The following TENM4 variants were observed in gnomAD, a reference collection of about 807,000 sequenced individuals.
The protein encoded by TENM4 is teneurin-4.
Under a neutral mutation model 243.3 loss-of-function variants are expected in TENM4, and 82 were observed. The ratio of observed to expected loss-of-function variants is 0.34; its 90% CI spans 0.28 to 0.40. The LOEUF is 0.40. Ranked by LOEUF, TENM4 falls within the 10% of genes least tolerant of loss-of-function variation. TENM4 has a pLI of 1.00. For synonymous variants in TENM4, 1,412 were observed against 1,456.3 expected, an observed-to-expected ratio of 0.97 and a Z score of 0.69; for missense variants, 3,138 against 3,673.3, an observed-to-expected ratio of 0.85 and a Z score of 3.77.
chr11:79,384,819 G>A (rs1452154828), intron 1 of TENM4, among the ~76,000 whole-genome samples: 3 of 151,788 alleles, frequency 2.0e-5, no homozygotes, highest in Admixed American at 6.6e-5. Flanking sequence ...CAAGCTACTC[G>A]GGAGGCTAAG....
chr11:79,182,043 C>A (rs1336087967), intron 3 of TENM4, among the ~76,000 whole-genome samples: 1 of 151,628 alleles, frequency 6.6e-6, no homozygotes, highest in Non-Finnish European at 1.5e-5. Context: ...AGACTCAATG[C>A]AATCCCAATC....
intron 4 of TENM4, among the ~76,000 whole-genome samples, chr11:79,116,768 AT>A (rs1861631368): frequency 1.3e-5 from 2 of 152,182 alleles, no homozygotes; most frequent in African/African-American, 4.8e-5. Context: ...TCAGATTCCA[AT>A]TCTGGATCAA....
chr11:78,674,732 A>T (rs943341294), intron 30 of TENM4, among the ~76,000 whole-genome samples: 2 of 152,122 alleles, frequency 1.3e-5, no homozygotes, highest in African/African-American at 4.8e-5. Flanking sequence ...AGCTAGTGCA[A>T]GGCTGTTTCC....
chr11:79,298,708 C>A (rs1590861590), intron 1 of TENM4, among the ~76,000 whole-genome samples: 1 of 152,076 alleles, frequency 6.6e-6, no homozygotes, highest in Non-Finnish European at 1.5e-5. Flanking sequence ...ATCCTTATAA[C>A]CACCCTGGGA....
rs765065940 is a variant in TENM4, at chr11:78,658,589, C to T, written c.7779G>A (p.Arg2593=). ...GGGCATGGTTCAAGATGGCAGCAACCCTTCGCCCATCCTCATTGGCCACAC... is the reference window on the plus strand; with the variant it reads ...GGGCATGGTTCAAGATGGCAGCAACTCTTCGCCCATCCTCATTGGCCACAC... ...IISVANEDGR[R]VAAILNHAHY... Residue 2593 remains arginine (R), a synonymous_variant, in exon 34 of 34, where the codon AGG becomes AGA. Transcript: ENST00000278550. 1.1e-5 allele frequency: 17 copies of T among 1,613,852 alleles called. No homozygotes were observed. Among genetic ancestry groups the T allele is most frequent in the Non-Finnish European group, 1.4e-5 (17 of 1,179,898 alleles).
At chr11:79,352,012 A>T (rs560573689) in intron 1 of TENM4, among the ~76,000 whole-genome samples, 10 of 152,350 alleles carry the variant, frequency 6.6e-5, no homozygotes, top group African/African-American at 2.4e-4. Context: ...TCTGATTTGT[A>T]AAATCAAGAT....
intron 19 of TENM4, among the ~76,000 whole-genome samples, chr11:78,750,684 AT>A (rs543023593): frequency 1.1e-3 from 164 of 152,034 alleles, no homozygotes; most frequent in Middle Eastern, 3.2e-3. Context: ...TAATTCATTG[AT>A]TTATTCTATC....
At chr11:79,105,700 C>T (rs1483569369) in intron 4 of TENM4, among the ~76,000 whole-genome samples, 2 of 152,114 alleles carry the variant, frequency 1.3e-5, no homozygotes, top group Admixed American at 1.3e-4. Context: ...GGTTTCAGCC[C>T]CATGGTTTGA....
rs559657884 is a variant in TENM4 at position 79,317,482 on chromosome 11, G to T, written c.-320-19939C>A. On this transcript the variant is annotated intron_variant, in intron 1 of 33. Transcript: ENST00000278550. ...AGTTAGTTGTCATGATGCTTGATATGATGAGCAGAGTGGCTGCCTCTTACT... is the reference window on the plus strand; with the variant it reads ...AGTTAGTTGTCATGATGCTTGATATTATGAGCAGAGTGGCTGCCTCTTACT... Among the ~76,000 whole-genome samples the T allele has an allele frequency of 3.3e-5, 5 of 152,270 alleles. No homozygotes were observed. The South Asian group carries it at 1.0e-3, about 32-fold the overall frequency.
chr11:79,297,344 CT>C (rs1167089293), intron 2 of TENM4, 143 bp downstream of exon 2: 2 of 152,604 alleles, frequency 1.3e-5, no homozygotes, highest in Non-Finnish European at 2.9e-5. Flanking sequence ...ACTGGCTCAT[CT>C]TATTTACTGA....
At chr11:78,847,433 T>C (rs1234669717) in intron 12 of TENM4, among the ~76,000 whole-genome samples, 2 of 152,232 alleles carry the variant, frequency 1.3e-5, no homozygotes, top group Non-Finnish European at 2.9e-5. Flanking sequence ...AGACAGCTAC[T>C]GGCAGGGCTA....
intron 6 of TENM4, among the ~76,000 whole-genome samples, chr11:78,969,208 A>T (rs1857493792): frequency 6.6e-6 from 1 of 152,180 alleles, no homozygotes; most frequent in African/African-American, 2.4e-5. Flanking sequence ...GCAATGACAG[A>T]TTTGCAAGCC....
chr11:78,727,810 G>A (rs539110493), intron 22 of TENM4, among the ~76,000 whole-genome samples: 7 of 152,204 alleles, frequency 4.6e-5, no homozygotes, highest in African/African-American at 1.4e-4. Context: ...TCTTCCAAGC[G>A]TCTTTCTGGG....
chr11:79,142,763 T>A (rs1659067130), intron 4 of TENM4, among the ~76,000 whole-genome samples: 1 of 152,104 alleles, frequency 6.6e-6, no homozygotes, highest in South Asian at 2.1e-4. Context: ...CAAAACAGCA[T>A]GGTACTGGTA....
chr11:78,896,094 G>A (rs1292064996), intron 7 of TENM4, among the ~76,000 whole-genome samples: 2 of 152,174 alleles, frequency 1.3e-5, no homozygotes. Context: ...TAGCCAGGAA[G>A]CTGCAAAGGC....
intron 22 of TENM4, 112 bp downstream of exon 22, chr11:78,729,264 G>A: frequency 8.3e-7 from 1 of 1,204,076 alleles, no homozygotes; most frequent in Non-Finnish European, 1.1e-6. Context: ...GGTCAATTAA[G>A]CCTTAGGTAT....
chr11:79,197,522 C>G (rs1863655799), intron 3 of TENM4, among the ~76,000 whole-genome samples: 2 of 152,140 alleles, frequency 1.3e-5, no homozygotes, highest in South Asian at 4.1e-4. Flanking sequence ...CCCCCAAGTT[C>G]ACAAGTACCC....
intron 3 of TENM4, among the ~76,000 whole-genome samples, chr11:79,185,688 T>A (rs2135150276): frequency 6.6e-6 from 1 of 152,256 alleles, no homozygotes; most frequent in Non-Finnish European, 1.5e-5. Flanking sequence ...AGTTTGGAGG[T>A]GCAATTGTCT....
chr11:79,206,419 A>C (rs949479392), intron 3 of TENM4, among the ~76,000 whole-genome samples: 1 of 152,212 alleles, frequency 6.6e-6, no homozygotes, highest in Non-Finnish European at 1.5e-5. Flanking sequence ...CCAGTGGTAG[A>C]TAATGAGGCC....
Sources: gnomAD v4.1 joint callset for allele counts (sites outside exome capture counted in the v4.1 genomes callset) on GRCh38, gnomAD v4.1.1 for gene constraint, MANE v1.5 for transcripts, NCBI Gene and HGNC (gene_info 2026-07-23, HGNC 2026-07-21) for gene names.